The following CSMD3 variants were observed in gnomAD, a reference collection of about 807,000 sequenced individuals.
CSMD3 encodes CUB and Sushi multiple domains 3, also known as CUB and sushi domain-containing protein 3.
In CSMD3, 177 loss-of-function variants were observed where a neutral mutation model predicts 435.2. The ratio of observed to expected loss-of-function variants is 0.41; its 90% CI spans 0.36 to 0.46. The LOEUF (loss-of-function observed/expected upper bound fraction) is 0.46. Ranked by LOEUF, CSMD3 falls within the 20% of genes least tolerant of loss-of-function variation. The pLI is 0.34. For synonymous variants in CSMD3, 1,656 were observed against 1,520.5 expected, an observed-to-expected ratio of 1.09 and a Z score of -2.07; for missense variants, 4,265 against 4,504.6, an observed-to-expected ratio of 0.95 and a Z score of 1.52.
intron 45 of CSMD3, among the ~76,000 whole-genome samples, chr8:112,331,070 A>G (rs987537461): frequency 2.6e-5 from 4 of 152,044 alleles, no homozygotes; most frequent in Non-Finnish European, 4.4e-5. Context: ...AAAATTAGCA[A>G]TAATACATGG....
intron 11 of CSMD3, among the ~76,000 whole-genome samples, chr8:112,842,952 T>C (rs1230170080): frequency 1.2e-4 from 18 of 151,818 alleles, no homozygotes; most frequent in Non-Finnish European, 7.4e-5. Context: ...CTCTAACTAG[T>C]AAAATTGCAA....
intron 24 of CSMD3, among the ~76,000 whole-genome samples, chr8:112,557,274 A>G (rs565890276): frequency 6.6e-6 from 1 of 152,066 alleles, no homozygotes; most frequent in East Asian, 1.9e-4. Context: ...CCATGATATA[A>G]CAACAAGTAT....
intron 6 of CSMD3, among the ~76,000 whole-genome samples, chr8:112,983,596 T>C (rs2085134431): frequency 6.6e-6 from 1 of 150,618 alleles, no homozygotes; most frequent in African/African-American, 2.4e-5. Flanking sequence ...CCACTTTAAT[T>C]AGTTTATTAT....
intron 59 of CSMD3, among the ~76,000 whole-genome samples, chr8:112,269,300 A>G (rs895402176): frequency 2.0e-5 from 3 of 152,154 alleles, no homozygotes; most frequent in African/African-American, 7.2e-5. Context: ...AGTCAGGGGC[A>G]TTTCGATAGG....
At chr8:113,014,693 G>A (rs775040342) in intron 6 of CSMD3, among the ~76,000 whole-genome samples, 26 of 152,052 alleles carry the variant, frequency 1.7e-4, no homozygotes, top group Admixed American at 3.3e-4. Context: ...CCAAGGGAAG[G>A]AGTCAGGGAA....
chr8:112,560,474 T>C (rs530377856), intron 24 of CSMD3, among the ~76,000 whole-genome samples: 1 of 151,866 alleles, frequency 6.6e-6, no homozygotes, highest in South Asian at 2.1e-4. Context: ...AAACAATTAT[T>C]TCTAGGAGAC....
At chr8:113,335,461 T>C (rs1338277920) in intron 1 of CSMD3, among the ~76,000 whole-genome samples, 1 of 151,700 alleles carries the variant, frequency 6.6e-6, no homozygotes, top group Non-Finnish European at 1.5e-5. Context: ...CTCTATTTTG[T>C]TGTTTTGTTT....
At chr8:112,681,292 T>C (rs1346335809) in intron 16 of CSMD3, among the ~76,000 whole-genome samples, 1 of 151,666 alleles carries the variant, frequency 6.6e-6, no homozygotes, top group African/African-American at 2.4e-5. Flanking sequence ...GATCTCGTGA[T>C]CCGCCCGCCT....
At chr8:112,928,285 G>C (rs2082978690) in intron 9 of CSMD3, among the ~76,000 whole-genome samples, 1 of 152,124 alleles carries the variant, frequency 6.6e-6, no homozygotes, top group Non-Finnish European at 1.5e-5. Context: ...ACAACAGCTA[G>C]TTAAATAGCT....
intron 41 of CSMD3, among the ~76,000 whole-genome samples, chr8:112,344,468 A>C (rs574416903): frequency 2.7e-4 from 41 of 152,308 alleles, no homozygotes; most frequent in African/African-American, 8.7e-4. Context: ...CTGTTAATTT[A>C]TGTAAAACAT....
Position 112,383,466 on chromosome 8 carries a change from G to T in CSMD3, c.6031+101C>A. The T allele has an allele frequency of 5.6e-6, 4 of 713,086 alleles. No individual in the cohort carries two copies. The East Asian group carries it at 1.1e-4, about 19-fold the overall frequency. The allele number at this position is 713,086 out of a possible 1,614,324, so 44.2% of individuals were successfully genotyped here. A position where few individuals can be genotyped will look rare whatever the true frequency, so the allele number is the denominator to read the frequency against. The stretch of plus-strand genomic sequence containing the variant: ...TATCTTTGTGTATAGTTTGTAAAAA[G>T]CAAATTAAAACTACCAAGTAAGAGT... On this transcript the variant is annotated intron_variant, in intron 37 of 70. Coordinates refer to ENST00000297405, the MANE Select transcript of CSMD3 (RefSeq NM_198123.2).
intron 26 of CSMD3, among the ~76,000 whole-genome samples, 194 bp downstream of exon 26, chr8:112,552,400 C>A (rs893477008): frequency 5.3e-5 from 8 of 152,024 alleles, no homozygotes; most frequent in Middle Eastern, 3.4e-3. Flanking sequence ...GTGGGAAGAT[C>A]ATTTGAGCCT....
rs1444292498 is a variant in CSMD3, at chr8:112,521,690, T to C, written c.4565-4465A>G. On this transcript the variant is annotated intron_variant, in intron 27 of 70. Coordinates refer to ENST00000297405, the MANE Select transcript of CSMD3 (RefSeq NM_198123.2). The stretch of plus-strand genomic sequence containing the variant: ...AATTTGTATATCCAGCCTCAACTTT[T>C]TTCTGAGCTCTTAACCATTCTCTTC... Among the ~76,000 whole-genome samples the C allele has an allele frequency of 2.0e-5, 3 of 151,918 alleles. No homozygotes were observed. The East Asian group carries it at 5.8e-4, about 29-fold the overall frequency.
Position 112,985,451 on chromosome 8 carries a change from G to C in CSMD3, c.1031-9303C>G, listed in dbSNP as rs535705205. ...CATCACTAAAGGACATAAAGCATGA[G>C]ACTGATAACAAGATTGGCATTTTAG... On this transcript the variant is annotated intron_variant, in intron 6 of 70. Transcript: ENST00000297405. Among the ~76,000 whole-genome samples the C allele has an allele frequency of 3.3e-5, 5 of 151,944 alleles. 1 individual carries two copies. In the South Asian group the frequency reaches 1.0e-3, roughly 32 times the overall value.
intron 36 of CSMD3, among the ~76,000 whole-genome samples, chr8:112,388,879 C>T (rs562309659): frequency 2.6e-4 from 40 of 152,258 alleles, no homozygotes; most frequent in African/African-American, 8.9e-4. Context: ...CACAGAATCT[C>T]ATAAACACTA....
intron 58 of CSMD3, among the ~76,000 whole-genome samples, chr8:112,284,191 CTCAGTT>C (rs147498885): frequency 0.2 from 30,001 of 151,472 alleles, 3,505 homozygotes; most frequent in East Asian, 0.35. Context: ...TTAAAAGAAT[CTCAGTT>C]TGTCAAAAAT....
intron 12 of CSMD3, among the ~76,000 whole-genome samples, chr8:112,818,078 T>G (rs999451998): frequency 6.6e-6 from 1 of 151,874 alleles, no homozygotes; most frequent in East Asian, 1.9e-4. Context: ...ACTGAATATG[T>G]TATGACTTTA....
rs988230830 is a variant in CSMD3 at position 113,202,181 on chromosome 8, G to A, written c.515-28265C>T. Among the ~76,000 whole-genome samples the A allele has an allele frequency of 3.9e-5, 6 of 152,104 alleles. No homozygotes were observed. In the East Asian group the frequency reaches 1.2e-3, roughly 29 times the overall value. ...CAACTTTCACTGCACAATGGCTGCA[G>A]TTTTTGCTTAAAATTAATTGCACAT... On this transcript the variant is annotated intron_variant, in intron 3 of 70. Transcript: ENST00000297405.
intron 19 of CSMD3, 147 bp downstream of exon 19, chr8:112,650,014 A>G (rs1172613284): frequency 1.5e-5 from 10 of 646,786 alleles, no homozygotes; most frequent in East Asian, 5.5e-5. Flanking sequence ...TATTTCATGA[A>G]TGGTTTGATA....
Sources: gnomAD v4.1 joint callset for allele counts (sites outside exome capture counted in the v4.1 genomes callset) on GRCh38, gnomAD v4.1.1 for gene constraint, MANE v1.5 for transcripts, NCBI Gene and HGNC (gene_info 2026-07-23, HGNC 2026-07-21) for gene names.